MTTP: variants seen among roughly 807,000 people sequenced by gnomAD.
The protein encoded by MTTP is microsomal triglyceride transfer protein large subunit.
Under a neutral mutation model 90.6 loss-of-function variants are expected in MTTP, and 49 were observed. The observed-to-expected ratio is 0.54, with a 90% CI of 0.43 to 0.69. The LOEUF is 0.69. Among genes scored for constraint, MTTP ranks in the 30% least tolerant of loss-of-function variants. MTTP has a pLI of 0.00. For synonymous variants in MTTP, 347 were observed against 384.2 expected, an observed-to-expected ratio of 0.90 and a Z score of 1.13; for missense variants, 945 against 1,067.5, an observed-to-expected ratio of 0.89 and a Z score of 1.60.
At chr4:99,601,166 G>C (rs1578247043) in intron 9 of MTTP, among the ~76,000 whole-genome samples, 1 of 152,040 alleles carries the variant, frequency 6.6e-6, no homozygotes, top group Admixed American at 6.6e-5. Context: ...GACTTCTCTT[G>C]TGTCCAAGAA....
chr4:99,575,266 A>G (rs1293635409), intron 1 of MTTP, among the ~76,000 whole-genome samples: 1 of 152,216 alleles, frequency 6.6e-6, no homozygotes, highest in Non-Finnish European at 1.5e-5. Context: ...GAAGGAAAAA[A>G]GATACCCACT....
intron 2 of MTTP, 25 bp from the exon 3 acceptor site, chr4:99,583,348 TA>T: frequency 6.2e-7 from 1 of 1,611,772 alleles, no homozygotes; most frequent in Non-Finnish European, 8.5e-7. Context: ...AAGTTTTTTT[TA>T]ACAGCTTTCT....
chr4:99,621,114 C>G lies in MTTP; in HGVS notation c.2396C>G (p.Ala799Gly). The part of the protein sequence containing the change: ...DITVDSSFVK[A>G]GLETSTETEA... ...ACAGTGGACTCCTCTTTTGTGAAAG[C>G]TGGCCTGGAAACCAGTACAGAAACA... The change falls in exon 17 of 18, where the codon GCT (alanine) becomes GGT (glycine). Residue 799 changes from alanine (A) to glycine (G), a missense_variant. Ala to Gly is a moderately conservative substitution (Grantham distance 60). Transcript: ENST00000265517. The G allele has an allele frequency of 6.2e-7, 1 of 1,614,136 alleles. No individual in the cohort carries two copies. Among genetic ancestry groups the G allele is most frequent in the Non-Finnish European group, 8.5e-7 (1 of 1,179,974 alleles).
chr4:99,586,372 C>T (rs1725259757), intron 3 of MTTP, among the ~76,000 whole-genome samples: 1 of 152,068 alleles, frequency 6.6e-6, no homozygotes, highest in Non-Finnish European at 1.5e-5. Context: ...TGAAATGCTG[C>T]TCCAATTAAC....
intron 10 of MTTP, among the ~76,000 whole-genome samples, chr4:99,602,206 C>T (rs1433783043): frequency 6.6e-6 from 1 of 152,070 alleles, no homozygotes; most frequent in Non-Finnish European, 1.5e-5. Flanking sequence ...AATTTAGTTA[C>T]TTTTAATCAC....
rs761156799 is a variant in MTTP at position 99,608,932 on chromosome 4, T to C, written c.1724T>C (p.Met575Thr). 9 of 1,614,018 alleles carry C rather than the reference T, an allele frequency of 5.6e-6. No individual in the cohort carries two copies. Among genetic ancestry groups the C allele is most frequent in the Non-Finnish European group, 6.8e-6 (8 of 1,180,020 alleles). Residue 575 changes from methionine to threonine, a missense_variant, in exon 12 of 18, where the codon ATG becomes ACG. Transcript: ENST00000265517. ...CTTCCCCAAGAAATGAATAAATACATGCTCGCCATTGTTCAAGACATCCTA... is the reference window on the plus strand; with the variant it reads ...CTTCCCCAAGAAATGAATAAATACACGCTCGCCATTGTTCAAGACATCCTA... ...GELPQEMNKYMLAIVQDILRF... is the reference protein window; with the variant it reads ...GELPQEMNKYTLAIVQDILRF...
At position 99,600,596 on chromosome 4, in the gene MTTP, C is replaced by T. The variant is rs1171996547; in HGVS notation, c.1099C>T (p.Gln367Ter). ...PQLVDAVTSAQTSDSLEAILD... is the reference protein window; with the variant it reads ...PQLVDAVTSA Reference sequence around the variant, plus strand: ...GCTGGTGGATGCTGTCACCTCTGCTCAGACCTCAGACTCATTAGAAGCCAT... The same window carrying T: ...GCTGGTGGATGCTGTCACCTCTGCTTAGACCTCAGACTCATTAGAAGCCAT... The change falls in exon 9 of 18, where the codon CAG becomes TAG. Residue 367 changes from glutamine to a stop codon, truncating the protein, a stop_gained. Coordinates refer to ENST00000265517, the MANE Select transcript of MTTP (RefSeq NM_001386140.1). LOFTEE classifies it high-confidence loss of function. 6.2e-7 allele frequency: 1 copy of T among 1,613,582 alleles called. No individual in the cohort carries two copies. Among genetic ancestry groups the T allele is most frequent in the Non-Finnish European group, 8.5e-7 (1 of 1,179,758 alleles).
intron 6 of MTTP, among the ~76,000 whole-genome samples, chr4:99,593,194 C>G (rs1725472594): frequency 6.6e-6 from 1 of 152,096 alleles, no homozygotes; most frequent in Non-Finnish European, 1.5e-5. Flanking sequence ...TTTACATCAT[C>G]TACAACAATT....
chr4:99,577,624 AAAG>A, intron 1 of MTTP, among the ~76,000 whole-genome samples: 1 of 123,736 alleles, frequency 8.1e-6, no homozygotes, highest in Non-Finnish European at 1.7e-5. Context: ...AAAAAAAAAG[AAAG>A]AAAAGAAAGA....
intron 11 of MTTP, 56 bp from the exon 12 acceptor site, chr4:99,608,710 G>T: frequency 7.7e-7 from 1 of 1,294,592 alleles, no homozygotes; most frequent in South Asian, 1.2e-5. Flanking sequence ...TATTCCTGCT[G>T]AAATGTCCAT....
Position 99,596,053 on chromosome 4 carries a change from A to T in MTTP, c.910-1014A>T, listed in dbSNP as rs1725544712. Among the ~76,000 whole-genome samples the T allele has an allele frequency of 2.0e-5, 3 of 152,128 alleles. No individual in the cohort carries two copies. In the South Asian group the frequency reaches 6.2e-4, roughly 31 times the overall value. On this transcript the variant is annotated intron_variant, in intron 7 of 17. Transcript: ENST00000265517. ...TGCAGCCCTTTAAAGTAAAACAAAAACAAAAACACCTGAATTCATATTGAT... is the reference window on the plus strand; with the variant it reads ...TGCAGCCCTTTAAAGTAAAACAAAATCAAAAACACCTGAATTCATATTGAT...
At chr4:99,566,297 G>GAAA (rs567380343) in intron 1 of MTTP, among the ~76,000 whole-genome samples, 3,273 of 117,432 alleles carry the variant, frequency 0.028, 64 homozygotes, top group South Asian at 0.064. Context: ...TCAAAAAAAA[G>GAAA]AAAAAAAAAA....
Position 99,606,820 on chromosome 4 carries a change from T to C in MTTP, c.1417T>C (p.Tyr473His). ...AGAGAAAAAAGAGGACACCAGGATG[T>C]ATCTGCTGGCTTTGAAGAATGCCCT... is the stretch of plus-strand genomic sequence containing the variant. ...KAEKKEDTRM[Y>H]LLALKNALLP... is the part of the protein sequence containing the mutation. Residue 473 changes from tyrosine (Y) to histidine (H), a missense_variant, in exon 11 of 18, where the codon TAT becomes CAT. By Grantham distance (83) the Tyr-to-His change is moderately conservative. Coordinates refer to ENST00000265517, the MANE Select transcript of MTTP (RefSeq NM_001386140.1). The C allele has an allele frequency of 6.2e-7, 1 of 1,614,166 alleles. No individual in the cohort carries two copies. The highest frequency in any genetic ancestry group is 8.5e-7 in the Non-Finnish European group (1 of 1,180,026).
chr4:99,599,186 C>G (rs1473891443), intron 8 of MTTP, among the ~76,000 whole-genome samples: 1 of 152,108 alleles, frequency 6.6e-6, no homozygotes, highest in Non-Finnish European at 1.5e-5. Flanking sequence ...CTGGATGAAA[C>G]CTTGTTAATT....
intron 16 of MTTP, 67 bp downstream of exon 16, chr4:99,619,165 AT>A: frequency 7.1e-7 from 1 of 1,409,882 alleles, no homozygotes; most frequent in Non-Finnish European, 1.0e-6. Flanking sequence ...CTTCCGAAAT[AT>A]GTTTTGGGAA....
At chr4:99,569,929 C>T (rs913034907), upstream of MTTP, among the ~76,000 whole-genome samples, 4 of 151,814 alleles carry the variant, frequency 2.6e-5, no homozygotes, top group African/African-American at 7.2e-5. Flanking sequence ...TGAATTGATA[C>T]GCCATAATTT....
chr4:99,598,653 C>G (rs1310216945), intron 8 of MTTP, among the ~76,000 whole-genome samples: 2 of 82,536 alleles, frequency 2.4e-5, no homozygotes, highest in Non-Finnish European at 4.6e-5. Flanking sequence ...TCAAGGAAGT[C>G]TTTTTTTTTT....
At chr4:99,602,991 G>A (rs112707021) in intron 10 of MTTP, among the ~76,000 whole-genome samples, 12,336 of 152,170 alleles carry the variant, frequency 0.081, 539 homozygotes, top group Middle Eastern at 0.099. Context: ...AGAAGATGCA[G>A]CAACGTTTTC....
intron 1 of MTTP, among the ~76,000 whole-genome samples, chr4:99,567,149 T>G (rs997071694): frequency 3.9e-5 from 6 of 152,168 alleles, no homozygotes; most frequent in African/African-American, 1.4e-4. Flanking sequence ...ATTTGTACAT[T>G]TACATACTTA....
Sources: allele counts gnomAD v4.1 joint callset (sites outside exome capture counted in the v4.1 genomes callset), GRCh38; gene constraint gnomAD v4.1.1; transcripts MANE v1.5; gene names NCBI Gene and HGNC (gene_info 2026-07-23, HGNC 2026-07-21).